NBEAL2: variants seen among roughly 807,000 people sequenced by gnomAD.
NBEAL2 encodes neurobeachin like 2, also known as neurobeachin-like protein 2.
Under a neutral mutation model 299.8 loss-of-function variants are expected in NBEAL2, and 160 were observed. That is an observed-to-expected ratio of 0.53 (90% CI 0.47 to 0.61). The LOEUF (loss-of-function observed/expected upper bound fraction) is 0.61, where lower values mean the gene tolerates loss of function less well. NBEAL2 is among the 20% of genes least tolerant of loss of function. The pLI is 0.00. For synonymous variants in NBEAL2, 1,493 were observed against 1,542.3 expected, an observed-to-expected ratio of 0.97 and a Z score of 0.75; for missense variants, 3,112 against 3,649.0, an observed-to-expected ratio of 0.85 and a Z score of 3.79.
In NBEAL2 at chr3:47,000,475, G is replaced by A; in HGVS notation, c.4305+71G>A. 2 of 1,517,904 alleles carry A rather than the reference G, an allele frequency of 1.3e-6. No individual in the cohort carries two copies. The highest frequency in any genetic ancestry group is 1.4e-5 in the African/African-American group (1 of 72,060). The allele number at this position is 1,517,904 out of a possible 1,614,324, so 94.0% of individuals were successfully genotyped here. On this transcript the variant is annotated intron_variant, in intron 27 of 53. Transcript: ENST00000450053. This position sits in a 1 kb window ranked among gnomAD's most constrained non-coding sequence, Gnocchi z 4.5. Reference sequence around the variant, plus strand: ...ACACTTCTGGTACACAGGGCTGGCAGTGTAGCCTCTCCAAAGGTGTGGCCC... The same window carrying A: ...ACACTTCTGGTACACAGGGCTGGCAATGTAGCCTCTCCAAAGGTGTGGCCC...
chr3:46,998,742 G>A lies in NBEAL2; in HGVS notation c.3247G>A (p.Ala1083Thr), dbSNP rs1292440420. Residue 1083 changes from alanine (A) to threonine (T), a missense_variant, in exon 23 of 54, where the codon GCT becomes ACT. Coordinates refer to ENST00000450053, the MANE Select transcript of NBEAL2 (RefSeq NM_015175.3). ...YSPQRERPLA[A>T]DDLRTVQTSL... ...CCCGCAGCGGGAGCGCCCCCTGGCT[G>A]CTGACGACCTACGCACCGTGCAGAC... The A allele has an allele frequency of 3.2e-6, 5 of 1,577,418 alleles. No individual in the cohort carries two copies. In the Admixed American group the frequency reaches 7.2e-5, roughly 23 times the overall value.
rs1430402189 is a variant in NBEAL2, at chr3:46,982,256, G to C, written c.51+2344G>C. ...GGGCAGAGCTGAAAGTGGGTGTTTAGAGACCCTTTAGTTGGCCAGCCACCC... is the reference window on the plus strand; with the variant it reads ...GGGCAGAGCTGAAAGTGGGTGTTTACAGACCCTTTAGTTGGCCAGCCACCC... On this transcript the variant is annotated intron_variant, in intron 1 of 53. Transcript: ENST00000450053. This position sits in a 1 kb window ranked among gnomAD's most constrained non-coding sequence, Gnocchi z 4.2. 6.6e-6 allele frequency among the ~76,000 whole-genome samples: 1 copy of C among 152,316 alleles called. No homozygotes were observed. The highest frequency in any genetic ancestry group is 1.9e-4 in the East Asian group (1 of 5,186).
chr3:47,008,121 CATGGGGCTGCAGTG>C lies in NBEAL2; in HGVS notation c.7656_7669del (p.His2552GlnfsTer8). ...AAAGCCTGTGCAGGTCCTGTATGGG[CATGGGGCTGCAGTG>C]AGCTGTGTGGCCATCAGCACTGAAC... On this transcript the variant is annotated frameshift_variant, in exon 50 of 54. Coordinates refer to ENST00000450053, the MANE Select transcript of NBEAL2 (RefSeq NM_015175.3). LOFTEE classifies it high-confidence loss of function. The C allele has an allele frequency of 6.2e-7, 1 of 1,614,030 alleles. No homozygotes were observed. Among genetic ancestry groups the C allele is most frequent in the Non-Finnish European group, 8.5e-7 (1 of 1,179,898 alleles).
At position 47,002,223 on chromosome 3, in the gene NBEAL2, A is replaced by G. The variant is rs749283366; in HGVS notation, c.5086A>G (p.Thr1696Ala). Residue 1696 changes from threonine (T) to alanine (A), a missense_variant, in exon 31 of 54, where the codon ACC becomes GCC. Transcript: ENST00000450053. ...CCTGCCACCCACCAATGGCAGCCCC[A>G]CCTTCTTTGAAGACTTCCAGGCTTT... ...PSLPPTNGSP[T>A]FFEDFQAFCA... is the part of the protein sequence containing the mutation. 9.1e-6 allele frequency: 14 copies of G among 1,540,658 alleles called. No individual in the cohort carries two copies. In the Admixed American group the frequency reaches 2.6e-4, roughly 29 times the overall value.
chr3:47,005,335 G>T lies in NBEAL2; in HGVS notation c.6560+14G>T. On this transcript the variant is annotated intron_variant, in intron 40 of 53. Coordinates refer to ENST00000450053, the MANE Select transcript of NBEAL2 (RefSeq NM_015175.3). The stretch of plus-strand genomic sequence containing the variant: ...GCAAAGTGGCCGGTGCGGCCCAGGG[G>T]CTGGTGGGCAGACTAGGGGGCAGAT... 6.2e-7 allele frequency: 1 copy of T among 1,607,882 alleles called. No homozygotes were observed.
Position 47,000,856 on chromosome 3 carries a change from G to A in NBEAL2, c.4306-145G>A. 8.1e-7 allele frequency: 1 copy of A among 1,240,248 alleles called. No individual in the cohort carries two copies. Among genetic ancestry groups the A allele is most frequent in the Non-Finnish European group, 1.1e-6 (1 of 892,186 alleles). 76.8% of individuals were successfully genotyped at this position (1,240,248 alleles called of 1,614,324 possible). ...CCTATACCATTCTTCCAGGCCCTTA[G>A]TGCCAGGCTCACTGTTAGCCAAATG... is the stretch of plus-strand genomic sequence containing the variant. On this transcript the variant is annotated intron_variant, in intron 27 of 53. Coordinates refer to ENST00000450053, the MANE Select transcript of NBEAL2 (RefSeq NM_015175.3). This position sits in a 1 kb window ranked among gnomAD's most constrained non-coding sequence, Gnocchi z 4.5.
rs770397527 is a variant in NBEAL2 at position 46,995,582 on chromosome 3, C to G, written c.1847C>G (p.Thr616Arg). ...TGGCTCTGTCTGCACCCTATGGATA[C>G]AGCACCTACCCCTGCCCCCACCCGA... ...HAWLCLHPMD[T>R]APTPAPTRPL... The change falls in exon 13 of 54, where the codon ACA becomes AGA. Residue 616 changes from threonine (T) to arginine (R), a missense_variant. Thr to Arg is a moderately conservative substitution (Grantham distance 71). Coordinates refer to ENST00000450053, the MANE Select transcript of NBEAL2 (RefSeq NM_015175.3). 1 of 1,612,694 alleles carries G rather than the reference C, an allele frequency of 6.2e-7. No individual in the cohort carries two copies. The highest frequency in any genetic ancestry group is 8.5e-7 in the Non-Finnish European group (1 of 1,179,836).
rs773106900 is a variant in NBEAL2 at position 46,997,318 on chromosome 3, T to C, written c.2709T>C (p.Ala903=). Residue 903 remains alanine (A), a synonymous_variant, in exon 19 of 54, where the codon GCT becomes GCC. Transcript: ENST00000450053. The part of the protein sequence containing the change: ...GALLPLLERV[A]AQPKEAEAGP... ...TGCTGCCCCTGCTGGAGCGAGTAGC[T>C]GCACAGCCCAAAGAGGCTGAAGCAG... 1.1e-5 allele frequency: 18 copies of C among 1,612,920 alleles called. No homozygotes were observed. In the African/African-American group the frequency reaches 2.1e-4, roughly 19 times the overall value.
chr3:46,986,100 C>A (rs770297228), intron 1 of NBEAL2, among the ~76,000 whole-genome samples: 12 of 152,168 alleles, frequency 7.9e-5, no homozygotes, highest in African/African-American at 2.7e-4. Context: ...GCAGCCACCC[C>A]ACCCCTGCCT....
intron 11 of NBEAL2, 69 bp downstream of exon 11, chr3:46,994,089 AGGCCT>A: frequency 1.4e-6 from 2 of 1,471,508 alleles, no homozygotes; most frequent in Non-Finnish European, 1.9e-6. Context: ...TCCCCAGAAC[AGGCCT>A]GGCCGGTGGC....
chr3:46,987,920 G>T, intron 1 of NBEAL2: 21 of 1,128,580 alleles, frequency 1.9e-5, no homozygotes, highest in African/African-American at 3.3e-5. Flanking sequence ...GGAGGAAGCG[G>T]TCCCCCTCCC....
chr3:46,999,283 A>C, intron 24 of NBEAL2, 32 bp from the exon 25 acceptor site: 1 of 1,580,926 alleles, frequency 6.3e-7, no homozygotes, highest in South Asian at 1.1e-5. Flanking sequence ...CTCCTTCCAC[A>C]TGATGACAGT....
intron 17 of NBEAL2, 46 bp from the exon 18 acceptor site, chr3:46,996,908 C>A (rs778326649): frequency 1.2e-5 from 20 of 1,609,426 alleles, no homozygotes; most frequent in Non-Finnish European, 1.6e-5. Context: ...CCTGCCACCC[C>A]CTCCTCCCTC....
chr3:47,002,802 G>A lies in NBEAL2; in HGVS notation c.5459G>A (p.Arg1820Lys). 3.9e-6 allele frequency: 6 copies of A among 1,556,818 alleles called. No homozygotes were observed. The highest frequency in any genetic ancestry group is 5.2e-6 in the Non-Finnish European group (6 of 1,156,376). The change falls in exon 33 of 54, where the codon AGG becomes AAG. Residue 1820 changes from arginine (R) to lysine (K), a missense_variant and splice_region_variant. Arg to Lys is a conservative substitution (Grantham distance 26). Transcript: ENST00000450053. ...LASPCGAWAL[R>K]DTPIPRWKLS... ...AGCCCATGTGGGGCCTGGGCGCTGA[G>A]GTGGGCCGGGCTTGGGGCAGGGTCG...
chr3:46,998,161 T>C lies in NBEAL2; in HGVS notation c.3053T>C (p.Leu1018Pro). 6.2e-7 allele frequency: 1 copy of C among 1,606,958 alleles called. No individual in the cohort carries two copies. The highest frequency in any genetic ancestry group is 1.1e-5 in the South Asian group (1 of 89,676). Reference protein sequence around the residue: ...AAEGSGPLLYLLYQHLLFNFH... With the variant: ...AAEGSGPLLYPLYQHLLFNFH... Reference sequence around the variant, plus strand: ...GAGGGCAGCGGGCCCCTCCTGTACCTACTCTACCAGCATTTGCTCTTCAAC... The same window carrying C: ...GAGGGCAGCGGGCCCCTCCTGTACCCACTCTACCAGCATTTGCTCTTCAAC... Residue 1018 changes from leucine to proline, a missense_variant, in exon 21 of 54, where the codon CTA becomes CCA. Leu to Pro is a moderately conservative substitution (Grantham distance 98). Around this residue, in one of 3 missense-constraint regions of NBEAL2, gnomAD observed 2,243 missense variants for 2,538.1 expected, o/e 0.88. Coordinates refer to ENST00000450053, the MANE Select transcript of NBEAL2 (RefSeq NM_015175.3).
chr3:46,995,427 A>G lies in NBEAL2; in HGVS notation c.1692A>G (p.Thr564=), dbSNP rs1398902268. The G allele has an allele frequency of 5.0e-6, 8 of 1,612,784 alleles. No individual in the cohort carries two copies. The South Asian group carries it at 5.5e-5, about 11-fold the overall frequency. ...KARHAGAVIR[T]LSGMARHQGP... is the part of the protein sequence containing the mutation. The stretch of plus-strand genomic sequence containing the variant: ...GACACGCAGGTGCTGTCATCCGCAC[A>G]TTATCAGGCATGGCCAGGCACCAGG... Residue 564 remains threonine (T), a synonymous_variant, in exon 13 of 54, where the codon ACA becomes ACG. Coordinates refer to ENST00000450053, the MANE Select transcript of NBEAL2 (RefSeq NM_015175.3).
Position 47,007,311 on chromosome 3 carries a change from ACTTCAG to A in NBEAL2, c.7303_7308del (p.Phe2435_Ser2436del), listed in dbSNP as rs1458911750. On this transcript the variant is annotated inframe_deletion, in exon 47 of 54. Transcript: ENST00000450053. ...CCCTATGACCGCAACATAAGCAACTACTTCAGCTTCAGCAAAGACCCCACCATGGGC... is the reference window on the plus strand; with the variant it reads ...CCCTATGACCGCAACATAAGCAACTACTTCAGCAAAGACCCCACCATGGGC... 6.2e-7 allele frequency: 1 copy of A among 1,611,518 alleles called. No individual in the cohort carries two copies. The highest frequency in any genetic ancestry group is 8.5e-7 in the Non-Finnish European group (1 of 1,178,920).
At chr3:46,981,015 G>A (rs2035292572) in intron 1 of NBEAL2, among the ~76,000 whole-genome samples, 1 of 152,224 alleles carries the variant, frequency 6.6e-6, no homozygotes, top group African/African-American at 2.4e-5. Flanking sequence ...AGGCCAGAAG[G>A]ACCACAGCCT....
Position 47,004,741 on chromosome 3 carries a change from AC to A in NBEAL2, c.6294+156del. 1 of 388,912 alleles carries A rather than the reference AC, an allele frequency of 2.6e-6. No individual in the cohort carries two copies. The highest frequency in any genetic ancestry group is 4.2e-6 in the Non-Finnish European group (1 of 239,484). The allele number at this position is 388,912 out of a possible 1,614,324, so 24.1% of individuals were successfully genotyped here. A position where few individuals can be genotyped will look rare whatever the true frequency, so the allele number is the denominator to read the frequency against. Reference sequence around the variant, plus strand: ...AAGACCTGGCCTCTGTTCCCTGCCAACCCCCAGAGGTCCCCAGCCTCACTCC... The same window carrying A: ...AAGACCTGGCCTCTGTTCCCTGCCAACCCCAGAGGTCCCCAGCCTCACTCC... On this transcript the variant is annotated intron_variant, in intron 38 of 53. Transcript: ENST00000450053. The surrounding 1 kb of genome is among the most constrained non-coding windows in gnomAD (Gnocchi z 5.0).
Sources: allele counts gnomAD v4.1 joint callset (sites outside exome capture counted in the v4.1 genomes callset), GRCh38; gene constraint gnomAD v4.1.1; regional missense constraint gnomAD v4.1.1; non-coding constraint Gnocchi (gnomAD v3.1); transcripts MANE v1.5; gene names NCBI Gene and HGNC (gene_info 2026-07-23, HGNC 2026-07-21).